The following SPATS2 variants were observed in gnomAD, a reference collection of about 807,000 sequenced individuals.
SPATS2 encodes the protein spermatogenesis-associated serine-rich protein 2.
Under a neutral mutation model 63.7 loss-of-function variants are expected in SPATS2, and 38 were observed. The observed-to-expected ratio is 0.60, with a 90% CI of 0.46 to 0.78. The LOEUF is 0.78. Among genes scored for constraint, SPATS2 ranks in the 30% least tolerant of loss-of-function variants. The probability of loss-of-function intolerance (pLI) is 0.00; values close to 1 mark genes in which losing one functional copy is unlikely to be tolerated. For synonymous variants in SPATS2, 207 were observed against 232.9 expected (o/e 0.89, Z 1.01); for missense variants, 588 against 666.2 (o/e 0.88, Z 1.29).
In SPATS2 at chr12:49,519,099, A is replaced by C. The variant is rs980724214; in HGVS notation, c.925A>C (p.Lys309Gln). ...AMEILLSRQK[K>Q]AELLKKMTHV... ...GGAAATTTTGCTCAGCCGACAAAAGAAGGCTGAACTTCTAAAGAAGATGAC... is the reference window on the plus strand; with the variant it reads ...GGAAATTTTGCTCAGCCGACAAAAGCAGGCTGAACTTCTAAAGAAGATGAC... Residue 309 changes from lysine (K) to glutamine (Q), a missense_variant, in exon 11 of 14, where the codon AAG (lysine) becomes CAG (glutamine). Transcript: ENST00000552918. The C allele has an allele frequency of 3.7e-6, 6 of 1,613,996 alleles. No homozygotes were observed. Among genetic ancestry groups the C allele is most frequent in the Non-Finnish European group, 4.2e-6 (5 of 1,179,936 alleles).
At chr12:49,510,562 CAAAA>C (rs1270614197) in intron 9 of SPATS2, among the ~76,000 whole-genome samples, 2 of 88,414 alleles carry the variant, frequency 2.3e-5, no homozygotes, top group African/African-American at 3.3e-5. Flanking sequence ...GACCCTGTCT[CAAAA>C]AAAAAAAAAA....
At position 49,443,975 on chromosome 12, in the gene SPATS2, A is replaced by G. The variant is rs372379539; in HGVS notation, c.-243-16795A>G. ...GCAATTCTGGTTTCTTTGAATTTCC[A>G]TATAAATTTTATGATCAGCTTGTCA... On this transcript the variant is annotated intron_variant, in intron 2 of 13. Transcript: ENST00000552918. Among the ~76,000 whole-genome samples the G allele has an allele frequency of 4.8e-4, 73 of 152,342 alleles. No homozygotes were observed. In the South Asian group the frequency reaches 0.012, roughly 25 times the overall value.
At chr12:49,381,685 C>G (rs1381604319) in intron 2 of SPATS2, among the ~76,000 whole-genome samples, 1 of 152,132 alleles carries the variant, frequency 6.6e-6, no homozygotes, top group Non-Finnish European at 1.5e-5. Context: ...TTTTTTGAAA[C>G]CTGGGTCAGA....
chr12:49,407,650 A>G (rs978594151), intron 2 of SPATS2, among the ~76,000 whole-genome samples: 2 of 152,148 alleles, frequency 1.3e-5, no homozygotes, highest in Admixed American at 6.5e-5. Context: ...CTGGCTCTCT[A>G]TCGCCTTTAC....
At chr12:49,367,634 G>C (rs1037505484) in intron 1 of SPATS2, 47 bp downstream of exon 1, 1 of 378,746 alleles carries the variant, frequency 2.6e-6, no homozygotes, top group Non-Finnish European at 4.6e-6. Flanking sequence ...GGCTCAGAGG[G>C]CGCCGAGGTG....
chr12:49,436,402 A>AC lies in SPATS2; in HGVS notation c.-243-24361dup, dbSNP rs1165596289. ...GGGCAGCTGGCCGGGTTGGGGGCTG[A>AC]CCCCCCCACCTCCCTCCCGGAGGGG... On this transcript the variant is annotated intron_variant, in intron 2 of 13. Coordinates refer to ENST00000552918, the MANE Select transcript of SPATS2 (RefSeq NM_023071.4). Among the ~76,000 whole-genome samples, 253 of 135,746 alleles carry AC rather than the reference A, an allele frequency of 1.9e-3. 2 individuals are homozygous for AC. The highest frequency in any genetic ancestry group is 1.9e-3 in the Non-Finnish European group (119 of 63,210). The allele number at this position is 135,746 out of a possible 152,430, so 89.1% of individuals were successfully genotyped here.
chr12:49,406,046 T>A (rs1368782269), intron 2 of SPATS2, among the ~76,000 whole-genome samples: 1 of 151,986 alleles, frequency 6.6e-6, no homozygotes, highest in East Asian at 1.9e-4. Flanking sequence ...GGTGGATCAC[T>A]TGAGGTCAGG....
At chr12:49,416,607 C>G (rs1018179569) in intron 2 of SPATS2, among the ~76,000 whole-genome samples, 25 of 152,242 alleles carry the variant, frequency 1.6e-4, no homozygotes, top group African/African-American at 4.6e-4. Flanking sequence ...CCTGCCTCAG[C>G]CTCCCACTGG....
intron 1 of SPATS2, among the ~76,000 whole-genome samples, chr12:49,370,016 C>A (rs1020156510): frequency 2.6e-5 from 4 of 152,118 alleles, no homozygotes; most frequent in African/African-American, 9.7e-5. Context: ...AGGGAGGAGC[C>A]ACAGGTTATG....
intron 3 of SPATS2, chr12:49,469,690 A>G (rs1412357862): frequency 2.8e-6 from 1 of 358,214 alleles, no homozygotes; most frequent in Non-Finnish European, 5.4e-6. Context: ...CAGGAGTTCA[A>G]GACCAGCCTG....
At chr12:49,387,344 G>T (rs1592348597) in intron 2 of SPATS2, among the ~76,000 whole-genome samples, 1 of 152,022 alleles carries the variant, frequency 6.6e-6, no homozygotes, top group South Asian at 2.1e-4. Context: ...GGATTAGAAT[G>T]TGGGAGATGA....
At chr12:49,390,022 C>T (rs1027974389) in intron 2 of SPATS2, 15 of 921,106 alleles carry the variant, frequency 1.6e-5, no homozygotes, top group Non-Finnish European at 3.6e-6. Context: ...AATATTTCAA[C>T]TTGAACAAGA....
chr12:49,403,642 A>ACACACACAC lies in SPATS2; in HGVS notation c.-244+32352_-244+32353insCACACACAC, dbSNP rs1555180281. 8.2e-4 allele frequency among the ~76,000 whole-genome samples: 97 copies of ACACACACAC among 118,068 alleles called. 1 individual carries two copies. The highest frequency in any genetic ancestry group is 2.9e-3 in the African/African-American group (93 of 31,960). The allele number at this position is 118,068 out of a possible 152,430, so 77.5% of individuals were successfully genotyped here. On this transcript the variant is annotated intron_variant, in intron 2 of 13. Transcript: ENST00000552918. ...ACACACACACACACACACACACACA[A>ACACACACAC]ACAAAACTGGAATTCTCTGTTATGG...
intron 2 of SPATS2, among the ~76,000 whole-genome samples, chr12:49,398,582 A>G (rs770346675): frequency 6.6e-6 from 1 of 152,230 alleles, no homozygotes; most frequent in Non-Finnish European, 1.5e-5. Context: ...TGCCACCCAC[A>G]TAGGCACTAT....
At chr12:49,394,122 A>T (rs902573723) in intron 2 of SPATS2, among the ~76,000 whole-genome samples, 3 of 151,992 alleles carry the variant, frequency 2.0e-5, no homozygotes, top group Non-Finnish European at 4.4e-5. Flanking sequence ...CCATAGTGGG[A>T]AAATTGCTTG....
chr12:49,410,125 G>C (rs1044812803), intron 2 of SPATS2, among the ~76,000 whole-genome samples: 2 of 152,006 alleles, frequency 1.3e-5, no homozygotes, highest in Admixed American at 6.6e-5. Context: ...GCCCAGGCTG[G>C]AGTGCAATGG....
At chr12:49,380,909 G>A (rs1235959933) in intron 2 of SPATS2, among the ~76,000 whole-genome samples, 2 of 150,226 alleles carry the variant, frequency 1.3e-5, no homozygotes, top group Non-Finnish European at 3.0e-5. Flanking sequence ...TCAAAAGCTG[G>A]TGTCATAGTG....
At chr12:49,385,389 T>TGTGTGTGTGTGG (rs1247586382) in intron 2 of SPATS2, among the ~76,000 whole-genome samples, 1 of 150,626 alleles carries the variant, frequency 6.6e-6, no homozygotes, top group Admixed American at 6.6e-5. Context: ...TGTGTGTGTG[T>TGTGTGTGTGTGG]GGCAGAGACA....
At chr12:49,522,893 TATTA>T (rs1375729194) in intron 12 of SPATS2, 40 bp downstream of exon 12, 1 of 1,543,684 alleles carries the variant, frequency 6.5e-7, no homozygotes, top group Non-Finnish European at 8.9e-7. Context: ...AGGTGGTGAT[TATTA>T]ATTAGAGACT....
Sources: allele counts gnomAD v4.1 joint callset (sites outside exome capture counted in the v4.1 genomes callset), GRCh38; gene constraint gnomAD v4.1.1; transcripts MANE v1.5; gene names NCBI Gene and HGNC (gene_info 2026-07-23, HGNC 2026-07-21).